Variants in NARS2 observed in about 807,000 individuals in gnomAD.
NARS2 encodes the protein asparaginyl-tRNA synthetase.
NARS2 carries 60 observed loss-of-function variants against 62.9 expected under a neutral mutation model. That is an observed-to-expected ratio of 0.95 (90% CI 0.77 to 1.18). The LOEUF (loss-of-function observed/expected upper bound fraction) is 1.18. Ranked by LOEUF, NARS2 falls within the 50% of genes most tolerant of loss-of-function variation. NARS2 has a pLI of 0.00. For missense variants in NARS2, 619 were observed against 576.4 expected (o/e 1.07, Z -0.76); for synonymous variants, 196 against 200.0 (o/e 0.98, Z 0.17).
At chr11:78,475,740 G>A (rs1012181361) in intron 9 of NARS2, among the ~76,000 whole-genome samples, 1 of 151,822 alleles carries the variant, frequency 6.6e-6, no homozygotes, top group African/African-American at 2.4e-5. Flanking sequence ...GGCACTACAG[G>A]CACATGTCAC....
intron 12 of NARS2, 44 bp from the exon 13 acceptor site, chr11:78,441,161 A>G: frequency 6.4e-7 from 1 of 1,563,658 alleles, no homozygotes; most frequent in Non-Finnish European, 8.8e-7. Flanking sequence ...CGGCAATAAG[A>G]TAAATATTAA....
At chr11:78,437,900 G>A (rs1405197532) in intron 13 of NARS2, among the ~76,000 whole-genome samples, 1 of 151,020 alleles carries the variant, frequency 6.6e-6, no homozygotes, top group Admixed American at 6.6e-5. Flanking sequence ...GCTTGAACCT[G>A]GGAAGTGGAG....
At chr11:78,462,995 A>AT (rs1858456243) in intron 11 of NARS2, among the ~76,000 whole-genome samples, 1 of 152,244 alleles carries the variant, frequency 6.6e-6, no homozygotes, top group Non-Finnish European at 1.5e-5. Flanking sequence ...AATATTACAT[A>AT]TATAACTATT....
At chr11:78,547,944 G>A (rs924303476) in intron 5 of NARS2, among the ~76,000 whole-genome samples, 1 of 152,142 alleles carries the variant, frequency 6.6e-6, no homozygotes, top group Admixed American at 6.6e-5. Context: ...AGTAGGCCAG[G>A]CACGGTGGTT....
intron 11 of NARS2, among the ~76,000 whole-genome samples, chr11:78,458,583 C>T (rs1309354048): frequency 6.6e-6 from 1 of 152,162 alleles, no homozygotes; most frequent in Non-Finnish European, 1.5e-5. Context: ...ATTAAAGATG[C>T]TTTTTAGCTT....
intron 11 of NARS2, among the ~76,000 whole-genome samples, chr11:78,446,163 A>G (rs1223594228): frequency 6.6e-6 from 1 of 152,220 alleles, no homozygotes; most frequent in Non-Finnish European, 1.5e-5. Flanking sequence ...ACTTTGCCTC[A>G]CTTTGCCGTT....
At chr11:78,570,169 G>A (rs1012842858) in intron 2 of NARS2, among the ~76,000 whole-genome samples, 7 of 151,892 alleles carry the variant, frequency 4.6e-5, no homozygotes, top group Admixed American at 2.0e-4. Flanking sequence ...CAGCCTGAGC[G>A]ACAGAGTCAG....
At chr11:78,547,215 T>C (rs947159396) in intron 5 of NARS2, among the ~76,000 whole-genome samples, 2 of 151,732 alleles carry the variant, frequency 1.3e-5, no homozygotes, top group Non-Finnish European at 2.9e-5. Context: ...CCCATAGTAC[T>C]AGCTACCAGC....
Position 78,574,438 on chromosome 11 carries a change from G to A in NARS2, c.51C>T (p.Ala17=). The change falls in exon 1 of 14, where the codon GCC becomes GCT. Residue 17 remains alanine (A), a synonymous_variant. Coordinates refer to ENST00000281038, the MANE Select transcript of NARS2 (RefSeq NM_024678.6). ...LLRSVRFCSS[A]PFPKHKPSAK... ...CTGAAGGTTTGTGCTTGGGGAAGGG[G>A]GCGGAGGAACAGAAGCGCACGGACC... The A allele has an allele frequency of 1.2e-6, 2 of 1,614,132 alleles. No homozygotes were observed. Among genetic ancestry groups the A allele is most frequent in the Non-Finnish European group, 1.7e-6 (2 of 1,180,026 alleles).
intron 6 of NARS2, among the ~76,000 whole-genome samples, chr11:78,516,736 AGAT>A (rs2135400636): frequency 6.6e-6 from 1 of 152,364 alleles, no homozygotes; most frequent in African/African-American, 2.4e-5. Context: ...GCTAATGGGA[AGAT>A]AAGATAATAA....
intron 6 of NARS2, among the ~76,000 whole-genome samples, chr11:78,526,736 T>C (rs1327708314): frequency 6.6e-6 from 1 of 152,124 alleles, no homozygotes. Context: ...TTTAATACAC[T>C]AGTGGTATTA....
chr11:78,493,198 G>C lies in NARS2; in HGVS notation c.690-3C>G. 6.2e-7 allele frequency: 1 copy of C among 1,610,232 alleles called. No individual in the cohort carries two copies. The highest frequency in any genetic ancestry group is 8.5e-7 in the Non-Finnish European group (1 of 1,179,100). ...AGGTAAACACTTGAGTAAAAGCTCT[G>C]CAATTCAAGATTAAGAGAATGCAAA... is the stretch of plus-strand genomic sequence containing the variant. On this transcript the variant is annotated splice_region_variant and splice_polypyrimidine_tract_variant and intron_variant, in intron 6 of 13. Coordinates refer to ENST00000281038, the MANE Select transcript of NARS2 (RefSeq NM_024678.6).
intron 6 of NARS2, among the ~76,000 whole-genome samples, chr11:78,506,453 A>G (rs1275192276): frequency 6.6e-6 from 1 of 152,236 alleles, no homozygotes; most frequent in Non-Finnish European, 1.5e-5. Context: ...ATGGATTGAC[A>G]GTATTTTGGG....
At chr11:78,465,596 C>A (rs1254433096) in intron 11 of NARS2, among the ~76,000 whole-genome samples, 1 of 152,110 alleles carries the variant, frequency 6.6e-6, no homozygotes, top group Non-Finnish European at 1.5e-5. Flanking sequence ...TCAGTCATTA[C>A]AAAACAAAAC....
chr11:78,488,250 A>C (rs1342390721), intron 7 of NARS2, among the ~76,000 whole-genome samples: 2 of 145,824 alleles, frequency 1.4e-5, no homozygotes, highest in Admixed American at 7.0e-5. Context: ...AAAAAAAAAA[A>C]AAACTGTGTA....
chr11:78,449,124 C>G (rs1396743898), intron 11 of NARS2, among the ~76,000 whole-genome samples: 6 of 146,512 alleles, frequency 4.1e-5, no homozygotes, highest in Non-Finnish European at 5.9e-5. Flanking sequence ...TTTGAGTCAC[C>G]TAAAAAATGT....
At chr11:78,515,334 T>C (rs1860865873) in intron 6 of NARS2, among the ~76,000 whole-genome samples, 3 of 152,104 alleles carry the variant, frequency 2.0e-5, no homozygotes. Flanking sequence ...GTGACACAGG[T>C]TGGGAGGTCC....
In NARS2 at chr11:78,574,561, C is replaced by T; in HGVS notation, c.-73G>A. On this transcript the variant is annotated 5_prime_UTR_variant, in exon 1 of 14. Coordinates refer to ENST00000281038, the MANE Select transcript of NARS2 (RefSeq NM_024678.6). ...TCGAACCCCGCCTGCAGCGGCCCTC[C>T]TTTCTCAGCTGCTCCCCTTCCGCGG... 2 of 1,471,142 alleles carry T rather than the reference C, an allele frequency of 1.4e-6. No individual in the cohort carries two copies. Among genetic ancestry groups the T allele is most frequent in the Non-Finnish European group, 1.8e-6 (2 of 1,107,276 alleles). 91.1% of individuals were successfully genotyped at this position (1,471,142 alleles called of 1,614,324 possible). A position where few individuals can be genotyped will look rare whatever the true frequency, so the allele number is the denominator to read the frequency against.
chr11:78,568,596 C>T (rs1177293349), intron 3 of NARS2, 36 bp downstream of exon 3: 1 of 1,598,368 alleles, frequency 6.3e-7, no homozygotes, highest in Non-Finnish European at 8.5e-7. Flanking sequence ...TTAATTAAAG[C>T]CTAAACAGCC....
Sources: gnomAD v4.1 joint callset for allele counts (sites outside exome capture counted in the v4.1 genomes callset) on GRCh38, gnomAD v4.1.1 for gene constraint, MANE v1.5 for transcripts, NCBI Gene and HGNC (gene_info 2026-07-23, HGNC 2026-07-21) for gene names.